Variants in PLCB1 observed in about 807,000 individuals in gnomAD.
The protein encoded by PLCB1 is 1-phosphatidylinositol 4,5-bisphosphate phosphodiesterase beta-1.
Under a neutral mutation model 161.8 loss-of-function variants are expected in PLCB1, and 46 were observed. The ratio of observed to expected loss-of-function variants is 0.28; its 90% CI spans 0.22 to 0.36. PLCB1 has a LOEUF of 0.36. Among genes scored for constraint, PLCB1 ranks in the 10% least tolerant of loss-of-function variants. PLCB1 has a pLI of 1.00. For synonymous variants in PLCB1, 517 were observed against 503.7 expected (o/e 1.03, Z -0.35); for missense variants, 1,016 against 1,472.5 (o/e 0.69, Z 5.07).
intron 3 of PLCB1, among the ~76,000 whole-genome samples, chr20:8,492,511 G>A (rs1202369708): frequency 6.6e-6 from 1 of 150,840 alleles, no homozygotes; most frequent in African/African-American, 2.4e-5. Context: ...AAATAACATG[G>A]CATAATGCTA....
chr20:8,227,449 A>G (rs1979757073), intron 2 of PLCB1, among the ~76,000 whole-genome samples: 1 of 152,068 alleles, frequency 6.6e-6, no homozygotes, highest in Admixed American at 6.6e-5. Context: ...ATCCACCCAA[A>G]CACATAGCAT....
At chr20:8,264,134 T>C (rs1981839047) in intron 2 of PLCB1, among the ~76,000 whole-genome samples, 1 of 152,226 alleles carries the variant, frequency 6.6e-6, no homozygotes, top group African/African-American at 2.4e-5. Flanking sequence ...TTTCTTCAAT[T>C]TTTAAATATT....
At position 8,440,112 on chromosome 20, in the gene PLCB1, TG is replaced by T. The variant is rs1276122782; in HGVS notation, c.246+68663del. Among the ~76,000 whole-genome samples the T allele has an allele frequency of 3.2e-4, 48 of 152,330 alleles. 1 individual carries two copies. The East Asian group carries it at 8.3e-3, about 26-fold the overall frequency. On this transcript the variant is annotated intron_variant, in intron 3 of 31. Transcript: ENST00000338037. ...TCAGAGCTTCTTTCATAAGGGCATTTGAAATGTATGCTGATCACCTCAAGGT... is the reference window on the plus strand; with the variant it reads ...TCAGAGCTTCTTTCATAAGGGCATTTAAATGTATGCTGATCACCTCAAGGT...
chr20:8,231,649 G>A (rs890703932), intron 2 of PLCB1, among the ~76,000 whole-genome samples: 2 of 152,006 alleles, frequency 1.3e-5, no homozygotes, highest in Non-Finnish European at 2.9e-5. Context: ...CTGCTTCTTT[G>A]CACGCATTCC....
At chr20:8,292,662 A>G (rs1983439412) in intron 2 of PLCB1, among the ~76,000 whole-genome samples, 1 of 152,150 alleles carries the variant, frequency 6.6e-6, no homozygotes, top group Admixed American at 6.6e-5. Context: ...CGGTTATGAG[A>G]TTCAGCTGTA....
chr20:8,206,468 CT>C (rs2123136068), intron 2 of PLCB1, among the ~76,000 whole-genome samples: 1 of 152,116 alleles, frequency 6.6e-6, no homozygotes, highest in African/African-American at 2.4e-5. Context: ...TCGTTGCTAC[CT>C]TTTTGAAGGA....
chr20:8,152,089 A>T (rs1156734799), intron 2 of PLCB1, among the ~76,000 whole-genome samples: 4 of 152,152 alleles, frequency 2.6e-5, no homozygotes, highest in African/African-American at 4.8e-5. Context: ...AGCGAAACAG[A>T]TAATGTGGTA....
chr20:8,851,335 A>C (rs1986877472), intron 31 of PLCB1, among the ~76,000 whole-genome samples: 1 of 152,120 alleles, frequency 6.6e-6, no homozygotes, highest in South Asian at 2.1e-4. Context: ...ATAACTGCTA[A>C]TTTCCTGTTA....
At chr20:8,154,059 G>A (rs999263712) in intron 2 of PLCB1, among the ~76,000 whole-genome samples, 13 of 152,084 alleles carry the variant, frequency 8.5e-5, no homozygotes, top group Non-Finnish European at 1.6e-4. Context: ...TTCTTCCTAG[G>A]TCTCTTTTAA....
At chr20:8,683,646 G>T (rs1472295850) in intron 9 of PLCB1, among the ~76,000 whole-genome samples, 1 of 152,000 alleles carries the variant, frequency 6.6e-6, no homozygotes, top group Admixed American at 6.6e-5. Context: ...GTTGACAAAA[G>T]AATTTTGTCA....
intron 3 of PLCB1, among the ~76,000 whole-genome samples, chr20:8,396,273 C>T (rs2745756): frequency 0.2 from 30,250 of 151,908 alleles, 3,328 homozygotes; most frequent in African/African-American, 0.23. Flanking sequence ...GGTGTGGCAA[C>T]GTTCACTCAA....
chr20:8,623,427 A>G (rs1325547185), intron 3 of PLCB1, among the ~76,000 whole-genome samples: 1 of 152,114 alleles, frequency 6.6e-6, no homozygotes, highest in African/African-American at 2.4e-5. Context: ...AGCTAATTAT[A>G]TTTTCTCTTC....
rs114933714 is a variant in PLCB1 at position 8,559,739 on chromosome 20, G to A, written c.247-68555G>A. ...AGAGGACATTATGTATTGATAAATG[G>A]GGCAATTCATCAAGAATATAAAACA... On this transcript the variant is annotated intron_variant, in intron 3 of 31. Transcript: ENST00000338037. Among the ~76,000 whole-genome samples, 1,497 of 152,014 alleles carry A rather than the reference G, an allele frequency of 9.8e-3. 29 individuals carry two copies. Among genetic ancestry groups the A allele is most frequent in the African/African-American group, 0.035 (1,439 of 41,494 alleles).
intron 9 of PLCB1, among the ~76,000 whole-genome samples, chr20:8,672,585 T>G (rs912059895): frequency 1.3e-5 from 2 of 152,078 alleles, no homozygotes; most frequent in African/African-American, 4.8e-5. Flanking sequence ...CATCCAGATA[T>G]GCATACCGAG....
At chr20:8,587,332 G>A (rs1459214234) in intron 3 of PLCB1, among the ~76,000 whole-genome samples, 1 of 152,138 alleles carries the variant, frequency 6.6e-6, no homozygotes, top group Non-Finnish European at 1.5e-5. Context: ...ATCATGTACA[G>A]CACTGTTCTT....
intron 3 of PLCB1, among the ~76,000 whole-genome samples, chr20:8,453,390 C>T (rs1307057665): frequency 2.0e-5 from 3 of 152,118 alleles, no homozygotes; most frequent in Admixed American, 2.0e-4. Flanking sequence ...ACTGAGTAAG[C>T]CAAGTCAAGT....
chr20:8,703,931 C>CT (rs1216781496), intron 11 of PLCB1, among the ~76,000 whole-genome samples: 2 of 152,168 alleles, frequency 1.3e-5, no homozygotes, highest in Non-Finnish European at 2.9e-5. Flanking sequence ...GAGGAGGGGT[C>CT]TTACCCACCT....
intron 3 of PLCB1, among the ~76,000 whole-genome samples, chr20:8,584,887 C>A (rs948884809): frequency 2.6e-5 from 4 of 152,188 alleles, no homozygotes; most frequent in African/African-American, 9.6e-5. Flanking sequence ...GATGATGTTT[C>A]ACCATGTTGG....
At chr20:8,758,394 A>G (rs1981848225) in intron 24 of PLCB1, among the ~76,000 whole-genome samples, 1 of 151,992 alleles carries the variant, frequency 6.6e-6, no homozygotes, top group African/African-American at 2.4e-5. Context: ...CAACCTGGCC[A>G]ACATGGTGAA....
Sources: allele counts gnomAD v4.1 joint callset (sites outside exome capture counted in the v4.1 genomes callset), GRCh38; gene constraint gnomAD v4.1.1; transcripts MANE v1.5; gene names NCBI Gene and HGNC (gene_info 2026-07-23, HGNC 2026-07-21).